The following LSAMP variants were observed in gnomAD, a reference collection of about 807,000 sequenced individuals.
LSAMP encodes the protein limbic system associated membrane protein.
In LSAMP, 7 loss-of-function variants were observed where a neutral mutation model predicts 38.6. That is an observed-to-expected ratio of 0.18 (90% CI 0.10 to 0.34). LSAMP has a LOEUF of 0.34. LSAMP is among the 10% of genes least tolerant of loss of function. LSAMP has a pLI of 1.00. For synonymous variants in LSAMP, 154 were observed against 166.8 expected, an observed-to-expected ratio of 0.92 and a Z score of 0.59; for missense variants, 313 against 420.0, an observed-to-expected ratio of 0.75 and a Z score of 2.23.
At chr3:116,160,443 G>A (rs949569897) in intron 1 of LSAMP, among the ~76,000 whole-genome samples, 3 of 150,956 alleles carry the variant, frequency 2.0e-5, no homozygotes, top group Non-Finnish European at 4.4e-5. Flanking sequence ...AGAAAGGAAG[G>A]AAGGAAGGAG....
intron 3 of LSAMP, among the ~76,000 whole-genome samples, chr3:115,859,324 G>T (rs1395862506): frequency 6.6e-6 from 1 of 152,060 alleles, no homozygotes; most frequent in Admixed American, 6.5e-5. Context: ...AGGAGACACA[G>T]GGAAGAACAA....
intron 2 of LSAMP, among the ~76,000 whole-genome samples, chr3:116,085,648 C>G (rs1160026389): frequency 6.6e-6 from 1 of 152,126 alleles, no homozygotes; most frequent in Non-Finnish European, 1.5e-5. Context: ...AATTGAGCAA[C>G]AGTTTGGGGG....
intron 3 of LSAMP, among the ~76,000 whole-genome samples, chr3:116,005,611 C>A (rs919392129): frequency 3.9e-5 from 6 of 152,342 alleles, no homozygotes; most frequent in African/African-American, 1.4e-4. Context: ...CTGAGTCAGC[C>A]TGCTGTGGAG....
chr3:116,156,455 A>G (rs1378789748), intron 1 of LSAMP, among the ~76,000 whole-genome samples: 8 of 152,166 alleles, frequency 5.3e-5, no homozygotes, highest in Non-Finnish European at 1.5e-5. Context: ...TTAGGTGAAC[A>G]GCATGACATG....
intron 1 of LSAMP, among the ~76,000 whole-genome samples, chr3:116,350,382 A>G (rs2107764435): frequency 6.6e-6 from 1 of 152,172 alleles, no homozygotes; most frequent in African/African-American, 2.4e-5. Context: ...ACTTTCCATG[A>G]TTTCTGTTAC....
rs76299293 is a variant in LSAMP, at chr3:116,002,464, T to C, written c.514+17051A>G. 8.8e-3 allele frequency among the ~76,000 whole-genome samples: 1,340 copies of C among 152,282 alleles called. 21 individuals are homozygous for C. Among genetic ancestry groups the C allele is most frequent in the African/African-American group, 0.031 (1,278 of 41,558 alleles). On this transcript the variant is annotated intron_variant, in intron 3 of 6. Transcript: ENST00000490035. ...GATGCCATCTGACAGGCCTTTTGAATGCGCAGTTTTGGTTGTCTTCCCAGC... is the reference window on the plus strand; with the variant it reads ...GATGCCATCTGACAGGCCTTTTGAACGCGCAGTTTTGGTTGTCTTCCCAGC...
At chr3:116,390,376 AG>A (rs2048677192) in intron 1 of LSAMP, among the ~76,000 whole-genome samples, 1 of 152,156 alleles carries the variant, frequency 6.6e-6, no homozygotes, top group African/African-American at 2.4e-5. Flanking sequence ...TTCACATAGA[AG>A]GTAAAGCTTG....
chr3:116,259,919 T>C (rs1021025313), intron 1 of LSAMP, among the ~76,000 whole-genome samples: 7 of 152,066 alleles, frequency 4.6e-5, no homozygotes, highest in African/African-American at 1.4e-4. Context: ...TTTTTCTCAT[T>C]TTACCTCATC....
Position 115,892,833 on chromosome 3 carries a change from T to G in LSAMP, c.515-40216A>C, listed in dbSNP as rs1214856936. On this transcript the variant is annotated intron_variant, in intron 3 of 6. Transcript: ENST00000490035. ...ATGCATATAATATACATCAATTATA[T>G]TATATATATAATATATATTATTTTA... Among the ~76,000 whole-genome samples the G allele has an allele frequency of 2.7e-5, 4 of 148,756 alleles. No individual in the cohort carries two copies. In the East Asian group the frequency reaches 7.8e-4, roughly 29 times the overall value.
intron 1 of LSAMP, among the ~76,000 whole-genome samples, chr3:116,203,965 G>A (rs1158799848): frequency 1.3e-5 from 2 of 152,078 alleles, no homozygotes; most frequent in Non-Finnish European, 2.9e-5. Context: ...AGATCCCTGA[G>A]GAATCGCCAC....
chr3:115,838,559 G>T (rs904579419), intron 6 of LSAMP, among the ~76,000 whole-genome samples: 1 of 152,184 alleles, frequency 6.6e-6, no homozygotes, highest in Non-Finnish European at 1.5e-5. Flanking sequence ...TTAATATAAG[G>T]TAATGCTTAG....
At chr3:116,102,305 A>G (rs1708365641) in intron 1 of LSAMP, among the ~76,000 whole-genome samples, 1 of 152,210 alleles carries the variant, frequency 6.6e-6, no homozygotes, top group Admixed American at 6.5e-5. Flanking sequence ...TTCTTGGATT[A>G]TTATAAAACA....
At chr3:116,303,081 C>A (rs566062239) in intron 1 of LSAMP, among the ~76,000 whole-genome samples, 6 of 150,976 alleles carry the variant, frequency 4.0e-5, no homozygotes, top group African/African-American at 1.5e-4. Flanking sequence ...TTAATGTGCA[C>A]CCATGAATGC....
At chr3:116,003,490 T>G (rs970113597) in intron 3 of LSAMP, among the ~76,000 whole-genome samples, 5 of 152,216 alleles carry the variant, frequency 3.3e-5, no homozygotes, top group African/African-American at 1.2e-4. Context: ...CTAATCTTTT[T>G]ATTCTTTAAA....
chr3:115,898,238 AAATT>A (rs1451874746), intron 3 of LSAMP, among the ~76,000 whole-genome samples: 1 of 152,166 alleles, frequency 6.6e-6, no homozygotes, highest in Non-Finnish European at 1.5e-5. Flanking sequence ...GGATTTAAAA[AAATT>A]AACAGATATT....
intron 2 of LSAMP, among the ~76,000 whole-genome samples, chr3:116,084,832 A>C (rs1315236166): frequency 6.6e-6 from 1 of 152,116 alleles, no homozygotes; most frequent in Non-Finnish European, 1.5e-5. Context: ...TCAAAGAAGA[A>C]AAATCACGAG....
At position 115,805,072 on chromosome 3, in the gene LSAMP, T is replaced by C. The variant is rs990897255; in HGVS notation, c.*5245A>G. Reference sequence around the variant, plus strand: ...TTTAGGTCACTTCCTTGGAGCTATTTAAATAAGACATCTTAGATGGTGAGA... The same window carrying C: ...TTTAGGTCACTTCCTTGGAGCTATTCAAATAAGACATCTTAGATGGTGAGA... On this transcript the variant is annotated 3_prime_UTR_variant, in exon 7 of 7. Transcript: ENST00000490035. 6.6e-6 allele frequency: 1 copy of C among 152,212 alleles called. No homozygotes were observed. Among genetic ancestry groups the C allele is most frequent in the Admixed American group, 6.5e-5 (1 of 15,274 alleles). The allele number at this position is 152,212 out of a possible 1,614,324, so 9.4% of individuals were successfully genotyped here.
At chr3:115,834,514 T>C in intron 6 of LSAMP, 8 of 1,225,304 alleles carry the variant, frequency 6.5e-6, no homozygotes, top group Non-Finnish European at 8.6e-6. Context: ...TTAAAGATGA[T>C]GGAGAATGAC....
chr3:115,942,498 T>A (rs1426746808), intron 3 of LSAMP, among the ~76,000 whole-genome samples: 1 of 152,140 alleles, frequency 6.6e-6, no homozygotes, highest in Non-Finnish European at 1.5e-5. Flanking sequence ...GAAAAATAAG[T>A]ACTTTAAGAG....
Sources: gnomAD v4.1 joint callset for allele counts (sites outside exome capture counted in the v4.1 genomes callset) on GRCh38, gnomAD v4.1.1 for gene constraint, MANE v1.5 for transcripts, NCBI Gene and HGNC (gene_info 2026-07-23, HGNC 2026-07-21) for gene names.